Variants in VRK2 observed in about 807,000 individuals in gnomAD.
The protein encoded by VRK2 is serine/threonine-protein kinase VRK2.
Under a neutral mutation model 57.6 loss-of-function variants are expected in VRK2, and 60 were observed. The observed-to-expected ratio is 1.04, with a 90% CI of 0.85 to 1.29. The LOEUF is 1.29. Among genes scored for constraint, VRK2 ranks in the 50% most tolerant of loss-of-function variants. VRK2 has a pLI of 0.00. For missense variants in VRK2, 705 were observed against 588.1 expected, an observed-to-expected ratio of 1.20 and a Z score of -2.06; for synonymous variants, 231 against 199.2, an observed-to-expected ratio of 1.16 and a Z score of -1.35.
intron 1 of VRK2, among the ~76,000 whole-genome samples, chr2:57,990,791 G>C (rs951094858): frequency 1.3e-5 from 2 of 151,702 alleles, no homozygotes; most frequent in African/African-American, 2.4e-5. Context: ...TGTTCACATG[G>C]GAAAAGACTC....
chr2:57,998,613 T>C (rs968903113), intron 1 of VRK2, among the ~76,000 whole-genome samples: 1 of 152,174 alleles, frequency 6.6e-6, no homozygotes, highest in Non-Finnish European at 1.5e-5. Context: ...AAAGATTATA[T>C]TGAGAATTTT....
intron 7 of VRK2, among the ~76,000 whole-genome samples, chr2:58,113,631 G>A (rs1675929142): frequency 6.6e-6 from 1 of 152,146 alleles, no homozygotes; most frequent in South Asian, 2.1e-4. Context: ...GGCAGGGGCG[G>A]GGTCACAAGG....
At chr2:58,116,009 G>A (rs865961850) in intron 7 of VRK2, among the ~76,000 whole-genome samples, 1 of 152,198 alleles carries the variant, frequency 6.6e-6, no homozygotes, top group South Asian at 2.1e-4. Flanking sequence ...GGTTGATAAG[G>A]CGCAGATTCT....
chr2:58,008,519 G>A (rs924157663), intron 1 of VRK2, among the ~76,000 whole-genome samples: 4 of 151,566 alleles, frequency 2.6e-5, no homozygotes, highest in Non-Finnish European at 4.4e-5. Flanking sequence ...GTTAACAAAC[G>A]TGAAGGAAGG....
intron 1 of VRK2, among the ~76,000 whole-genome samples, chr2:57,945,338 C>A (rs1232904441): frequency 6.6e-6 from 1 of 152,042 alleles, no homozygotes; most frequent in Admixed American, 6.6e-5. Context: ...ATTGGTTACC[C>A]CTTTTCAAAT....
chr2:57,955,395 T>C (rs1278629868), intron 1 of VRK2, among the ~76,000 whole-genome samples: 1 of 151,184 alleles, frequency 6.6e-6, no homozygotes, highest in Non-Finnish European at 1.5e-5. Flanking sequence ...ACCAACTCCC[T>C]AAATCCCACT....
chr2:58,112,993 TC>T (rs1276260292), intron 7 of VRK2, among the ~76,000 whole-genome samples: 3 of 152,160 alleles, frequency 2.0e-5, no homozygotes, highest in African/African-American at 7.2e-5. Flanking sequence ...TTGATGAGAT[TC>T]CTGGGGAAGG....
intron 1 of VRK2, among the ~76,000 whole-genome samples, chr2:58,006,757 T>A (rs1673258608): frequency 6.6e-6 from 1 of 152,132 alleles, no homozygotes; most frequent in Non-Finnish European, 1.5e-5. Context: ...ACCTATGGCA[T>A]TGGCTATTTA....
intron 7 of VRK2, among the ~76,000 whole-genome samples, chr2:58,106,510 T>A (rs1255028839): frequency 1.3e-5 from 2 of 152,056 alleles, no homozygotes; most frequent in African/African-American, 2.4e-5. Flanking sequence ...AGTCATAGTC[T>A]TGGTCCTAAT....
At chr2:58,048,768 A>T (rs1675261866) in intron 1 of VRK2, 59 bp from the exon 2 acceptor site, 16 of 1,580,292 alleles carry the variant, frequency 1.0e-5, no homozygotes, top group Middle Eastern at 3.4e-4. Context: ...AGTGTATTTT[A>T]AGAGTTTTGT....
exon 2 of VRK2, chr2:58,025,728 T>C (rs1005024559): frequency 1.3e-5 from 2 of 152,218 alleles, no homozygotes; most frequent in African/African-American, 4.8e-5. Context: ...TTTCTCTTGG[T>C]GTATATCAAG....
intron 7 of VRK2, among the ~76,000 whole-genome samples, chr2:58,105,028 C>T (rs1439241659): frequency 1.3e-5 from 2 of 151,724 alleles, no homozygotes; most frequent in Non-Finnish European, 3.0e-5. Context: ...TGAAAATGGA[C>T]CCCTATCTCT....
At chr2:58,040,890 T>C (rs1211308788) in intron 3 of VRK2, among the ~76,000 whole-genome samples, 2 of 152,170 alleles carry the variant, frequency 1.3e-5, no homozygotes, top group African/African-American at 4.8e-5. Flanking sequence ...TGCAATTGCA[T>C]GAAAGGTAAG....
intron 1 of VRK2, among the ~76,000 whole-genome samples, chr2:57,947,023 A>G (rs911088362): frequency 1.9e-4 from 29 of 152,222 alleles, no homozygotes; most frequent in African/African-American, 6.0e-4. Context: ...GATGAGCACC[A>G]ATCTACAAAA....
chr2:58,135,137 T>C lies in VRK2; in HGVS notation c.798-4T>C. On this transcript the variant is annotated splice_region_variant and splice_polypyrimidine_tract_variant and intron_variant, in intron 9 of 12. Transcript: ENST00000340157. ...TCATTGTGCATTACCTTATTTTGTT[T>C]TAGTCTGTTGGACGAGCTCCCCCAG... 6.2e-7 allele frequency: 1 copy of C among 1,614,092 alleles called. No homozygotes were observed. Among genetic ancestry groups the C allele is most frequent in the Non-Finnish European group, 8.5e-7 (1 of 1,179,984 alleles).
chr2:58,116,044 G>T (rs1048351378), intron 7 of VRK2, among the ~76,000 whole-genome samples: 2 of 152,176 alleles, frequency 1.3e-5, no homozygotes, highest in Non-Finnish European at 1.5e-5. Flanking sequence ...GCCTTGTCTG[G>T]TTTTAGGACA....
chr2:57,963,894 T>C (rs945617213), intron 1 of VRK2, among the ~76,000 whole-genome samples: 3 of 152,240 alleles, frequency 2.0e-5, no homozygotes, highest in Non-Finnish European at 2.9e-5. Flanking sequence ...TACACCTGTT[T>C]GTTTAATGAC....
chr2:58,138,313 G>A (rs1267764976), intron 10 of VRK2, among the ~76,000 whole-genome samples: 1 of 152,108 alleles, frequency 6.6e-6, no homozygotes, highest in Admixed American at 6.6e-5. Flanking sequence ...TATAAATATG[G>A]TGATAAAATA....
intron 7 of VRK2, among the ~76,000 whole-genome samples, chr2:58,116,409 C>T (rs202150240): frequency 6.6e-6 from 1 of 151,340 alleles, no homozygotes; most frequent in African/African-American, 2.5e-5. Context: ...GGGAACTGGG[C>T]AGGTGGGGAT....
Sources: gnomAD v4.1 joint callset for allele counts (sites outside exome capture counted in the v4.1 genomes callset) on GRCh38, gnomAD v4.1.1 for gene constraint, MANE v1.5 for transcripts, NCBI Gene and HGNC (gene_info 2026-07-23, HGNC 2026-07-21) for gene names.